Variants in MIER1 observed in about 807,000 individuals in gnomAD.
MIER1 encodes mesoderm induction early response protein 1.
Under a neutral mutation model 75.7 loss-of-function variants are expected in MIER1, and 40 were observed. The observed-to-expected ratio is 0.53, with a 90% confidence interval of 0.41 to 0.69. The LOEUF (loss-of-function observed/expected upper bound fraction) is 0.69, where lower values mean the gene tolerates loss of function less well. MIER1 is among the 30% of genes least tolerant of loss of function. The pLI is 0.00. For synonymous variants in MIER1, 213 were observed against 223.4 expected, an observed-to-expected ratio of 0.95 and a Z score of 0.42; for missense variants, 574 against 680.2, an observed-to-expected ratio of 0.84 and a Z score of 1.74.
chr1:66,956,430 CT>C (rs1411642819), intron 4 of MIER1, among the ~76,000 whole-genome samples: 1 of 152,076 alleles, frequency 6.6e-6, no homozygotes, highest in Non-Finnish European at 1.5e-5. Flanking sequence ...TAAATCTAGC[CT>C]TTTCATTATA....
intron 4 of MIER1, among the ~76,000 whole-genome samples, chr1:66,957,587 G>GTTTTTTT (rs770503779): frequency 9.4e-4 from 93 of 99,224 alleles, no homozygotes; most frequent in East Asian, 1.5e-3. Flanking sequence ...GTTTGTTTGT[G>GTTTTTTT]TTTTTTTTTT....
intron 12 of MIER1, 131 bp downstream of exon 12, chr1:66,976,853 T>A: frequency 1.4e-6 from 1 of 703,882 alleles, no homozygotes; most frequent in Non-Finnish European, 2.1e-6. Context: ...CCGAGAGTGA[T>A]AAAATCTTGC....
chr1:66,978,656 A>G (rs1021327897), intron 12 of MIER1, among the ~76,000 whole-genome samples: 1 of 152,204 alleles, frequency 6.6e-6, no homozygotes, highest in African/African-American at 2.4e-5. Context: ...TATTTTTTTC[A>G]ACCATTTCAG....
At chr1:66,925,318 C>G (rs763307620) in intron 1 of MIER1, 25 of 985,324 alleles carry the variant, frequency 2.5e-5, no homozygotes, top group Non-Finnish European at 2.8e-5. Context: ...TGGCCATCGA[C>G]TGCCTCCCAG....
chr1:66,955,336 GTT>G (rs34006160), intron 4 of MIER1, among the ~76,000 whole-genome samples: 4 of 59,964 alleles, frequency 6.7e-5, no homozygotes, highest in Non-Finnish European at 8.5e-5. Context: ...CATCACCTGA[GTT>G]TTTTTTTTTT....
chr1:66,929,183 G>T, intron 2 of MIER1: 1 of 596,954 alleles, frequency 1.7e-6, no homozygotes. Context: ...AATTGTATAT[G>T]TACACATTTA....
intron 2 of MIER1, chr1:66,930,114 C>G: frequency 1.1e-6 from 1 of 919,216 alleles, no homozygotes; most frequent in Non-Finnish European, 1.4e-6. Context: ...CCGCTCTTCC[C>G]GGGGAGGGCT....
chr1:66,952,047 T>C (rs1236223177), intron 4 of MIER1, among the ~76,000 whole-genome samples: 1 of 152,230 alleles, frequency 6.6e-6, no homozygotes, highest in Non-Finnish European at 1.5e-5. Context: ...AACATAATAT[T>C]TGGCACATAA....
intron 3 of MIER1, among the ~76,000 whole-genome samples, chr1:66,942,112 C>T (rs946087585): frequency 6.6e-6 from 1 of 152,090 alleles, no homozygotes; most frequent in Non-Finnish European, 1.5e-5. Context: ...GAGGCTTCTG[C>T]CCAGGGCAGT....
intron 2 of MIER1, among the ~76,000 whole-genome samples, chr1:66,930,852 G>T (rs1653103151): frequency 6.6e-6 from 1 of 152,130 alleles, no homozygotes; most frequent in African/African-American, 2.4e-5. Context: ...TGGGGAAAAC[G>T]TAAGGCTGAC....
chr1:66,945,225 C>A (rs1018983814), intron 3 of MIER1, among the ~76,000 whole-genome samples: 12 of 143,270 alleles, frequency 8.4e-5, no homozygotes, highest in Non-Finnish European at 1.4e-4. Context: ...TGCGTGTAAC[C>A]TATGCACATT....
chr1:66,976,077 C>T (rs577088907), intron 11 of MIER1, among the ~76,000 whole-genome samples: 2 of 152,050 alleles, frequency 1.3e-5, no homozygotes, highest in Admixed American at 1.3e-4. Context: ...AGCCTCTGCC[C>T]CCACCCCCAC....
intron 4 of MIER1, among the ~76,000 whole-genome samples, chr1:66,953,499 T>A (rs1659437500): frequency 6.6e-6 from 1 of 152,176 alleles, no homozygotes; most frequent in Admixed American, 6.5e-5. Context: ...TGGTGATGAT[T>A]TTTTCTTTGT....
intron 3 of MIER1, among the ~76,000 whole-genome samples, chr1:66,942,529 C>CT: frequency 6.6e-6 from 1 of 152,206 alleles, no homozygotes; most frequent in East Asian, 1.9e-4. Context: ...TTGCCTAACT[C>CT]TGATGCAAAA....
chr1:66,960,810 G>C (rs189228580), intron 7 of MIER1, among the ~76,000 whole-genome samples: 17 of 152,298 alleles, frequency 1.1e-4, no homozygotes, highest in African/African-American at 4.1e-4. Flanking sequence ...GCCTATTTGG[G>C]CAAGGGTTCT....
intron 3 of MIER1, among the ~76,000 whole-genome samples, chr1:66,945,066 A>T (rs1570217843): frequency 6.6e-6 from 1 of 152,146 alleles, no homozygotes; most frequent in East Asian, 1.9e-4. Flanking sequence ...GAATAATAAT[A>T]TTTGAGTGCA....
At position 66,963,108 on chromosome 1, in the gene MIER1, G is replaced by T; in HGVS notation, c.720G>T (p.Met240Ile). 1 of 1,611,702 alleles carries T rather than the reference G, an allele frequency of 6.2e-7. No individual in the cohort carries two copies. Among genetic ancestry groups the T allele is most frequent in the South Asian group, 1.1e-5 (1 of 90,988 alleles). Residue 240 changes from methionine to isoleucine, a missense_variant, in exon 8 of 14, where the codon ATG becomes ATT. By Grantham distance (10) the Met-to-Ile change is conservative. Around this residue, in one of 3 missense-constraint regions of MIER1, gnomAD observed 309 missense variants for 352.8 expected, o/e 0.88. Transcript: ENST00000401041. ...AATAGGAGATTATGGTGGGCTCCAT[G>T]TTTCAAGCAGAAATTCCAGTTGGCA... is the stretch of plus-strand genomic sequence containing the variant. ...DWKKEIMVGS[M>I]FQAEIPVGIC...
intron 13 of MIER1, among the ~76,000 whole-genome samples, chr1:66,982,308 A>C (rs1026334544): frequency 1.3e-5 from 2 of 152,148 alleles, no homozygotes; most frequent in Admixed American, 1.3e-4. Context: ...GTAAGGTAAC[A>C]AGTGCACTGT....
rs370689400 is a variant in MIER1 at position 66,930,378 on chromosome 1, G to A, written c.168+4136G>A. On this transcript the variant is annotated intron_variant, in intron 2 of 13. Coordinates refer to ENST00000401041, the MANE Select transcript of MIER1 (RefSeq NM_001077700.3). Reference sequence around the variant, plus strand: ...GCGGCCGCCGCGGAGATGTGACCCGGCAGTACGGCAAATATGGCGGAGGTA... The same window carrying A: ...GCGGCCGCCGCGGAGATGTGACCCGACAGTACGGCAAATATGGCGGAGGTA... 1.1e-4 allele frequency: 184 copies of A among 1,608,054 alleles called. No homozygotes were observed. In the South Asian group the frequency reaches 1.5e-3, roughly 13 times the overall value.
Sources: gnomAD v4.1 joint callset for allele counts (sites outside exome capture counted in the v4.1 genomes callset) on GRCh38, gnomAD v4.1.1 for gene constraint, gnomAD v4.1.1 regional missense constraint, MANE v1.5 for transcripts, NCBI Gene and HGNC (gene_info 2026-07-23, HGNC 2026-07-21) for gene names.